TRAPPC9: variants seen among roughly 807,000 people sequenced by gnomAD.
TRAPPC9 encodes trafficking protein particle complex subunit 9.
In TRAPPC9, 83 loss-of-function variants were observed where a neutral mutation model predicts 124.0. That is an observed-to-expected ratio of 0.67 (90% CI 0.56 to 0.80). The LOEUF (loss-of-function observed/expected upper bound fraction) is 0.80. Ranked by LOEUF, TRAPPC9 falls within the 30% of genes least tolerant of loss-of-function variation. The probability of loss-of-function intolerance (pLI) is 0.00; values close to 1 mark genes in which losing one functional copy is unlikely to be tolerated. For missense variants in TRAPPC9, 1,302 were observed against 1,508.3 expected (o/e 0.86, Z 2.27); for synonymous variants, 638 against 617.5 (o/e 1.03, Z -0.49).
In TRAPPC9 at chr8:140,182,568, C is replaced by A. The variant is rs545506000; in HGVS notation, c.2556+38891G>T. Among the ~76,000 whole-genome samples, 3 of 152,186 alleles carry A rather than the reference C, an allele frequency of 2.0e-5. No homozygotes were observed. Among genetic ancestry groups the A allele is most frequent in the African/African-American group, 7.2e-5 (3 of 41,434 alleles). The stretch of plus-strand genomic sequence containing the variant: ...GCTGATCTAAGCTCACTGATCGAAG[C>A]ACACTGCAAAGTGTCATTTTGCCAA... On this transcript the variant is annotated intron_variant, in intron 17 of 22. Transcript: ENST00000438773. This position sits in a 1 kb window ranked among gnomAD's most constrained non-coding sequence, Gnocchi z 4.0.
chr8:140,383,207 T>C (rs1355211971), intron 7 of TRAPPC9, among the ~76,000 whole-genome samples: 1 of 151,912 alleles, frequency 6.6e-6, no homozygotes, highest in East Asian at 1.9e-4. Flanking sequence ...ACCACAAAGA[T>C]GGGGAAAAAA....
At chr8:139,969,865 A>T (rs1048329244) in intron 19 of TRAPPC9, among the ~76,000 whole-genome samples, 2 of 152,214 alleles carry the variant, frequency 1.3e-5, no homozygotes, top group African/African-American at 4.8e-5. Context: ...CACAAATTAA[A>T]TGACTCCATT....
At chr8:139,886,027 T>A in intron 20 of TRAPPC9, 58 bp from the exon 21 acceptor site, 1 of 1,480,490 alleles carries the variant, frequency 6.8e-7, no homozygotes, top group Non-Finnish European at 9.2e-7. Context: ...GAAGAACGTC[T>A]AGAAGTCTCT....
At chr8:139,946,679 A>T (rs1201579913) in intron 19 of TRAPPC9, among the ~76,000 whole-genome samples, 1 of 92,320 alleles carries the variant, frequency 1.1e-5, no homozygotes, top group Non-Finnish European at 2.5e-5. Flanking sequence ...ATTTTCTTCT[A>T]AAAAAAAAAA....
chr8:140,228,162 T>C (rs1191662299), intron 16 of TRAPPC9, among the ~76,000 whole-genome samples: 3 of 152,220 alleles, frequency 2.0e-5, no homozygotes, highest in Admixed American at 6.5e-5. Flanking sequence ...ATGCATAAGG[T>C]TGAATACATT....
At chr8:140,015,193 C>T (rs1839385136) in intron 18 of TRAPPC9, among the ~76,000 whole-genome samples, 1 of 152,130 alleles carries the variant, frequency 6.6e-6, no homozygotes, top group Non-Finnish European at 1.5e-5. Flanking sequence ...TGGCCATCTT[C>T]ATTGTCCATG....
chr8:140,006,822 G>T (rs541737171), intron 18 of TRAPPC9, among the ~76,000 whole-genome samples: 1 of 152,126 alleles, frequency 6.6e-6, no homozygotes, highest in Admixed American at 6.5e-5. Context: ...CCTAGGGTGC[G>T]GGAGGGAAGT....
At chr8:139,818,299 G>T (rs559999541) in intron 21 of TRAPPC9, among the ~76,000 whole-genome samples, 1 of 152,336 alleles carries the variant, frequency 6.6e-6, no homozygotes, top group African/African-American at 2.4e-5. Context: ...AGACAGGCCT[G>T]GCATGGTAGC....
At chr8:139,754,251 A>T (rs886390680) in intron 21 of TRAPPC9, among the ~76,000 whole-genome samples, 2 of 152,064 alleles carry the variant, frequency 1.3e-5, no homozygotes, top group African/African-American at 2.4e-5. Flanking sequence ...CTAATGAGTG[A>T]CCCCCAAAGC....
intron 19 of TRAPPC9, among the ~76,000 whole-genome samples, chr8:139,981,463 A>G (rs770286387): frequency 6.6e-6 from 1 of 152,244 alleles, no homozygotes; most frequent in Non-Finnish European, 1.5e-5. Flanking sequence ...CATACTGCAG[A>G]AGGAACACAG....
chr8:139,750,985 C>G (rs949347914), intron 21 of TRAPPC9, among the ~76,000 whole-genome samples: 2 of 152,198 alleles, frequency 1.3e-5, no homozygotes, highest in Non-Finnish European at 2.9e-5. Context: ...TCTGGCCCAC[C>G]CCAAGGGCTG....
intron 7 of TRAPPC9, among the ~76,000 whole-genome samples, chr8:140,383,789 T>C (rs1362572705): frequency 6.6e-6 from 1 of 152,044 alleles, no homozygotes; most frequent in Non-Finnish European, 1.5e-5. Context: ...CAGGCCAACA[T>C]TCAAATTCAC....
chr8:140,344,164 C>G lies in TRAPPC9; in HGVS notation c.1495+15886G>C, dbSNP rs2067271022. The stretch of plus-strand genomic sequence containing the variant: ...CCCTTGTAAAGGAGATCCCAGAGAG[C>G]TCCCTCGCCCCTTCCAGCATGTCTC... On this transcript the variant is annotated intron_variant, in intron 9 of 22. Coordinates refer to ENST00000438773, the MANE Select transcript of TRAPPC9 (RefSeq NM_001160372.4). 2.0e-5 allele frequency among the ~76,000 whole-genome samples: 3 copies of G among 152,148 alleles called. No homozygotes were observed. In the South Asian group the frequency reaches 6.2e-4, roughly 32 times the overall value.
At chr8:139,930,750 C>T (rs1833090981) in intron 19 of TRAPPC9, among the ~76,000 whole-genome samples, 1 of 152,234 alleles carries the variant, frequency 6.6e-6, no homozygotes, top group South Asian at 2.1e-4. Flanking sequence ...CTTAGAAACC[C>T]AGCCTCATTC....
chr8:140,442,270 A>C (rs949039100), intron 2 of TRAPPC9, among the ~76,000 whole-genome samples: 1 of 152,238 alleles, frequency 6.6e-6, no homozygotes, highest in Non-Finnish European at 1.5e-5. Flanking sequence ...GAAAGTCATA[A>C]TACAATAAAA....
intron 21 of TRAPPC9, among the ~76,000 whole-genome samples, chr8:139,803,170 C>T (rs1233007532): frequency 2.6e-4 from 36 of 137,394 alleles, no homozygotes; most frequent in African/African-American, 7.8e-4. Context: ...GCTGTGTGCG[C>T]GTTGTGTATG....
intron 7 of TRAPPC9, among the ~76,000 whole-genome samples, chr8:140,373,584 T>C (rs1175327689): frequency 6.6e-6 from 1 of 151,758 alleles, no homozygotes; most frequent in East Asian, 1.9e-4. Context: ...CCACTTTTCC[T>C]ACAGTGAAAG....
In TRAPPC9 at chr8:140,279,531, T is replaced by C. The variant is rs539585756; in HGVS notation, c.2115-3710A>G. Among the ~76,000 whole-genome samples the C allele has an allele frequency of 2.0e-5, 3 of 152,314 alleles. No individual in the cohort carries two copies. In the East Asian group the frequency reaches 5.8e-4, roughly 29 times the overall value. On this transcript the variant is annotated intron_variant, in intron 14 of 22. Coordinates refer to ENST00000438773, the MANE Select transcript of TRAPPC9 (RefSeq NM_001160372.4). ...AAAAAGCAAACATTTTAACTCCAAA[T>C]CGGTTCCACTGGACCCTCCTCCTCC...
At chr8:140,271,618 G>A (rs1317377622) in intron 15 of TRAPPC9, among the ~76,000 whole-genome samples, 17 of 152,164 alleles carry the variant, frequency 1.1e-4, no homozygotes, top group African/African-American at 3.4e-4. Flanking sequence ...GAGGATATAC[G>A]AGTGGCCAGA....
Sources: allele counts gnomAD v4.1 joint callset (sites outside exome capture counted in the v4.1 genomes callset), GRCh38; gene constraint gnomAD v4.1.1; non-coding constraint Gnocchi (gnomAD v3.1); transcripts MANE v1.5; gene names NCBI Gene and HGNC (gene_info 2026-07-23, HGNC 2026-07-21).